SGCZ: variants seen among roughly 807,000 people sequenced by gnomAD.
SGCZ encodes zeta-sarcoglycan.
A neutral mutation model predicts 41.3 loss-of-function variants in SGCZ; 40 were observed. The observed-to-expected ratio is 0.97, with a 90% CI of 0.75 to 1.26. The LOEUF is 1.26. Ranked by LOEUF, SGCZ falls within the 50% of genes most tolerant of loss-of-function variation. SGCZ has a pLI of 0.00. For missense variants in SGCZ, 552 were observed against 369.8 expected (o/e 1.49, Z -4.04); for synonymous variants, 206 against 137.5 (o/e 1.50, Z -3.49).
chr8:14,917,053 G>T (rs1192173360), intron 1 of SGCZ, among the ~76,000 whole-genome samples: 2 of 152,006 alleles, frequency 1.3e-5, no homozygotes, highest in African/African-American at 4.8e-5. Context: ...CAGACAGCTT[G>T]ACATATACAT....
At chr8:14,880,680 A>G (rs1212163098) in intron 1 of SGCZ, among the ~76,000 whole-genome samples, 2 of 152,134 alleles carry the variant, frequency 1.3e-5, no homozygotes, top group Non-Finnish European at 2.9e-5. Context: ...GGAAACCATC[A>G]TTCTCAGCAA....
chr8:14,288,663 A>G (rs1036333672), intron 3 of SGCZ, among the ~76,000 whole-genome samples: 2 of 152,150 alleles, frequency 1.3e-5, no homozygotes, highest in African/African-American at 2.4e-5. Flanking sequence ...TGGATTTACC[A>G]TATTTTATCT....
chr8:15,173,851 T>C (rs1453958683), intron 1 of SGCZ, among the ~76,000 whole-genome samples: 1 of 152,138 alleles, frequency 6.6e-6, no homozygotes, highest in Non-Finnish European at 1.5e-5. Flanking sequence ...GTGATCCTCC[T>C]GCCTCAGTTG....
intron 1 of SGCZ, among the ~76,000 whole-genome samples, chr8:14,744,212 T>C (rs1799279413): frequency 6.6e-6 from 1 of 152,168 alleles, no homozygotes; most frequent in Non-Finnish European, 1.5e-5. Context: ...AACAGAGGCA[T>C]TGTTTTCTGC....
intron 1 of SGCZ, among the ~76,000 whole-genome samples, chr8:14,630,827 C>T (rs1186257838): frequency 7.4e-6 from 1 of 134,338 alleles, no homozygotes; most frequent in Non-Finnish European, 1.5e-5. Flanking sequence ...ACAATGAGAA[C>T]ACTTGGACAC....
At chr8:14,713,523 G>A (rs150912371) in intron 1 of SGCZ, among the ~76,000 whole-genome samples, 321 of 152,196 alleles carry the variant, frequency 2.1e-3, no homozygotes, top group African/African-American at 7.2e-3. Context: ...CACTTTACAC[G>A]TGTTGCTAAA....
intron 1 of SGCZ, among the ~76,000 whole-genome samples, chr8:14,822,744 T>C (rs1292837389): frequency 1.3e-5 from 2 of 151,438 alleles, no homozygotes; most frequent in East Asian, 1.9e-4. Flanking sequence ...CTTCAATAAA[T>C]TGTGCTGGAA....
intron 1 of SGCZ, among the ~76,000 whole-genome samples, chr8:14,921,457 A>G (rs1037603013): frequency 7.9e-5 from 12 of 152,078 alleles, no homozygotes; most frequent in Non-Finnish European, 1.5e-5. Flanking sequence ...GGCATAATAC[A>G]TTTTTATAAC....
intron 3 of SGCZ, among the ~76,000 whole-genome samples, chr8:14,284,017 T>C (rs1376332370): frequency 6.6e-6 from 1 of 152,246 alleles, no homozygotes; most frequent in Non-Finnish European, 1.5e-5. Flanking sequence ...AAATTTAAGA[T>C]TTCTTAATCT....
chr8:14,454,989 C>T (rs1800701476), intron 2 of SGCZ, among the ~76,000 whole-genome samples: 1 of 152,058 alleles, frequency 6.6e-6, no homozygotes, highest in African/African-American at 2.4e-5. Flanking sequence ...CTACGGATAA[C>T]TCAAACACAG....
intron 1 of SGCZ, among the ~76,000 whole-genome samples, chr8:15,008,397 C>A (rs1388316157): frequency 6.6e-6 from 1 of 151,196 alleles, no homozygotes. Context: ...AATAGAAGGA[C>A]AGTAGATATA....
At chr8:14,091,918 G>C (rs1313575602) in intron 7 of SGCZ, among the ~76,000 whole-genome samples, 2 of 151,976 alleles carry the variant, frequency 1.3e-5, no homozygotes, top group African/African-American at 2.4e-5. Flanking sequence ...CATTGCCTAA[G>C]TAAGTTTTCT....
chr8:14,093,781 C>A (rs1266550977), intron 7 of SGCZ, among the ~76,000 whole-genome samples: 1 of 152,064 alleles, frequency 6.6e-6, no homozygotes, highest in African/African-American at 2.4e-5. Flanking sequence ...CCAAAGGTCA[C>A]CTCCTTGGAA....
intron 3 of SGCZ, among the ~76,000 whole-genome samples, chr8:14,289,650 A>G (rs988512094): frequency 2.0e-5 from 3 of 152,046 alleles, no homozygotes; most frequent in African/African-American, 4.8e-5. Flanking sequence ...AAGGCCAGAA[A>G]TAAACTCACA....
chr8:14,323,048 A>G (rs1585362422), intron 3 of SGCZ, among the ~76,000 whole-genome samples: 2 of 152,260 alleles, frequency 1.3e-5, no homozygotes, highest in Admixed American at 1.3e-4. Flanking sequence ...AAACTAAAGG[A>G]GTACCAAAAT....
chr8:14,765,934 G>A (rs1286751930), intron 1 of SGCZ, among the ~76,000 whole-genome samples: 1 of 149,960 alleles, frequency 6.7e-6, no homozygotes, highest in Non-Finnish European at 1.5e-5. Context: ...ACATTTACCA[G>A]TTATTTATGG....
chr8:14,186,653 C>G (rs775533594), intron 4 of SGCZ, among the ~76,000 whole-genome samples: 1 of 152,160 alleles, frequency 6.6e-6, no homozygotes, highest in Admixed American at 6.5e-5. Flanking sequence ...ATAGTGCAGA[C>G]ATTTTGCGCA....
At chr8:14,200,805 C>T (rs1229561291) in intron 4 of SGCZ, among the ~76,000 whole-genome samples, 1 of 152,048 alleles carries the variant, frequency 6.6e-6, no homozygotes, top group Non-Finnish European at 1.5e-5. Flanking sequence ...ATTAAAGTTC[C>T]TCAAATTTAA....
At chr8:15,187,883 C>G (rs912415723) in intron 1 of SGCZ, among the ~76,000 whole-genome samples, 2 of 151,764 alleles carry the variant, frequency 1.3e-5, no homozygotes, top group African/African-American at 4.8e-5. Context: ...CAAAAATAAA[C>G]TCACCAAATA....
Sources: allele counts gnomAD v4.1 joint callset (sites outside exome capture counted in the v4.1 genomes callset), GRCh38; gene constraint gnomAD v4.1.1; transcripts MANE v1.5; gene names NCBI Gene and HGNC (gene_info 2026-07-23, HGNC 2026-07-21).